The following RYR1 variants were observed in gnomAD, a reference collection of about 807,000 sequenced individuals.
The protein encoded by RYR1 is central core disease of muscle.
Under a neutral mutation model 583.5 loss-of-function variants are expected in RYR1, and 342 were observed. That is an observed-to-expected ratio of 0.59 (90% CI 0.54 to 0.64). The LOEUF is 0.64. Ranked by LOEUF, RYR1 falls within the 30% of genes least tolerant of loss-of-function variation. The probability of loss-of-function intolerance (pLI) is 0.00; values close to 1 mark genes in which losing one functional copy is unlikely to be tolerated. For synonymous variants in RYR1, 2,791 were observed against 2,822.5 expected (o/e 0.99, Z 0.35); for missense variants, 6,032 against 6,917.2 (o/e 0.87, Z 4.54).
chr19:38,504,151 G>T (rs1336713712), intron 49 of RYR1, 69 bp from the exon 50 acceptor site: 3 of 1,523,376 alleles, frequency 2.0e-6, no homozygotes, highest in Non-Finnish European at 2.7e-6. Context: ...GTGTCTCTCT[G>T]GGCCTTCGTC....
chr19:38,485,952 G>C lies in RYR1; in HGVS notation c.5297G>C (p.Gly1766Ala). The change falls in exon 34 of 106, where the codon GGA becomes GCA. Residue 1766 changes from glycine (G) to alanine (A), a missense_variant. Physicochemically the swap from Gly to Ala is moderately conservative, Grantham distance 60. Coordinates refer to ENST00000359596, the MANE Select transcript of RYR1 (RefSeq NM_000540.3). ...GHPRHGLPGV[G>A]VTTSLRPPHH... ...CCCCGGCATGGCCTGCCGGGAGTTG[G>C]AGTCACCACTTCGCTGAGGCCCCCG... is the stretch of plus-strand genomic sequence containing the variant. The C allele has an allele frequency of 6.2e-7, 1 of 1,613,692 alleles. No individual in the cohort carries two copies.
Position 38,585,116 on chromosome 19 carries a change from G to GGC in RYR1, c.14803+20_14803+21dup. On this transcript the variant is annotated intron_variant, in intron 102 of 105. Transcript: ENST00000359596. ...TCATCCAGGGTCAGTGCTGGGAGTG[G>GGC]GCGCTCAGGGCCCGGAGGCAGGCTA... 1.2e-6 allele frequency: 2 copies of GGC among 1,612,884 alleles called. No individual in the cohort carries two copies. The highest frequency in any genetic ancestry group is 1.7e-6 in the Non-Finnish European group (2 of 1,179,454).
In RYR1 at chr19:38,550,916, C is replaced by T. The variant is rs1972636073; in HGVS notation, c.12282+2496C>T. On this transcript the variant is annotated intron_variant, in intron 89 of 105. Transcript: ENST00000359596. ...GGTGGTTTTCTCATTTCGCCGTATG[C>T]TTTACCATCACTAGGCACCATTTTA... Among the ~76,000 whole-genome samples, 3 of 150,920 alleles carry T rather than the reference C, an allele frequency of 2.0e-5. No individual in the cohort carries two copies. The South Asian group carries it at 6.3e-4, about 32-fold the overall frequency.
intron 24 of RYR1, among the ~76,000 whole-genome samples, chr19:38,466,931 G>T (rs4802484): frequency 0.42 from 63,869 of 151,800 alleles, 14,139 homozygotes; most frequent in African/African-American, 0.56. Flanking sequence ...TTTACCTGAC[G>T]CCAGCCCTGC....
At chr19:38,585,369 G>GATATATAT (rs3039200) in intron 102 of RYR1, among the ~76,000 whole-genome samples, 66 of 141,062 alleles carry the variant, frequency 4.7e-4, no homozygotes, top group African/African-American at 1.6e-3. Flanking sequence ...AAAGGCCTGA[G>GATATATAT]ATATATATAT....
At chr19:38,453,115 T>C (rs1471585706) in intron 13 of RYR1, 101 bp downstream of exon 13, 5 of 1,168,850 alleles carry the variant, frequency 4.3e-6, no homozygotes, top group South Asian at 1.4e-5. Flanking sequence ...CTGAGGGACC[T>C]GGGGAAGTAG....
intron 65 of RYR1, among the ~76,000 whole-genome samples, chr19:38,516,533 G>C (rs1970980205): frequency 6.6e-6 from 1 of 152,212 alleles, no homozygotes; most frequent in Non-Finnish European, 1.5e-5. Context: ...GGGAGGCCAA[G>C]GTAGGAGGAT....
intron 30 of RYR1, among the ~76,000 whole-genome samples, chr19:38,478,211 A>T (rs181194425): frequency 6.7e-6 from 1 of 149,806 alleles, no homozygotes; most frequent in Non-Finnish European, 1.5e-5. Context: ...CTCCTTTCAG[A>T]CCCCCACCCC....
intron 1 of RYR1, among the ~76,000 whole-genome samples, chr19:38,435,717 G>A (rs1347038415): frequency 6.6e-6 from 1 of 152,054 alleles, no homozygotes; most frequent in Admixed American, 6.6e-5. Flanking sequence ...CAGCCTGGGC[G>A]ACAGGGCGAG....
At position 38,444,126 on chromosome 19, in the gene RYR1, C is replaced by A; in HGVS notation, c.425-23C>A. 1 of 1,592,668 alleles carries A rather than the reference C, an allele frequency of 6.3e-7. No individual in the cohort carries two copies. Among genetic ancestry groups the A allele is most frequent in the South Asian group, 1.1e-5 (1 of 90,670 alleles). On this transcript the variant is annotated intron_variant, in intron 5 of 105. Transcript: ENST00000359596. The surrounding 1 kb of genome is among the most constrained non-coding windows in gnomAD (Gnocchi z 5.1). ...TGGGAAGCCATCATCTGACAGCCACCCCCATTCCATCCCCACCCATAGGAG... is the reference window on the plus strand; with the variant it reads ...TGGGAAGCCATCATCTGACAGCCACACCCATTCCATCCCCACCCATAGGAG...
chr19:38,523,103 G>A lies in RYR1; in HGVS notation c.10335G>A (p.Trp3445Ter). ...FRMVGEIFIYWSKSHNFKREE... is the reference protein window; with the variant it reads ...FRMVGEIFIY ...TGGTGGGCGAGATCTTCATCTACTG[G>A]TCCAAGTCCCACGTGAGTGCCCACC... Residue 3445 changes from tryptophan (W) to a stop codon, truncating the protein, a stop_gained, in exon 68 of 106, where the codon TGG becomes TGA. Transcript: ENST00000359596. LOFTEE classifies it high-confidence loss of function. 6.2e-7 allele frequency: 1 copy of A among 1,613,292 alleles called. No homozygotes were observed. Among genetic ancestry groups the A allele is most frequent in the Non-Finnish European group, 8.5e-7 (1 of 1,179,908 alleles).
intron 89 of RYR1, among the ~76,000 whole-genome samples, chr19:38,549,368 G>A (rs952907736): frequency 1.3e-5 from 2 of 152,044 alleles, no homozygotes; most frequent in Admixed American, 1.3e-4. Context: ...GAGGTGGGAG[G>A]ATCGCTTGAG....
At chr19:38,523,703 C>T (rs1971328255) in intron 69 of RYR1, 2 of 643,570 alleles carry the variant, frequency 3.1e-6, no homozygotes, top group Admixed American at 2.5e-5. Context: ...TACCCCATTT[C>T]CTGCTTTCCT....
chr19:38,523,872 T>TGG, intron 69 of RYR1, 43 bp from the exon 70 acceptor site: 1 of 1,613,952 alleles, frequency 6.2e-7, no homozygotes, highest in Non-Finnish European at 8.5e-7. Context: ...TCTGCGGGGC[T>TGG]GGGGTAACCC....
chr19:38,535,952 A>T lies in RYR1; in HGVS notation c.11517-45A>T. On this transcript the variant is annotated intron_variant, in intron 81 of 105. Transcript: ENST00000359596. ...GCCAGGCCCTGGGAGAGAGGAGGGCAGAGGCTTCATCACATACCCCCTATC... is the reference window on the plus strand; with the variant it reads ...GCCAGGCCCTGGGAGAGAGGAGGGCTGAGGCTTCATCACATACCCCCTATC... 3 of 1,574,240 alleles carry T rather than the reference A, an allele frequency of 1.9e-6. No individual in the cohort carries two copies. In the Middle Eastern group the frequency reaches 5.0e-4, roughly 262 times the overall value.
intron 82 of RYR1, 149 bp downstream of exon 82, chr19:38,536,219 C>T (rs1971958655): frequency 2.9e-6 from 2 of 684,672 alleles, no homozygotes; most frequent in Non-Finnish European, 5.0e-6. Context: ...CTGCTGTGGT[C>T]CCCCAGTCCC....
chr19:38,572,466 G>A (rs1371746820), intron 95 of RYR1, among the ~76,000 whole-genome samples, 196 bp downstream of exon 95: 8 of 152,034 alleles, frequency 5.3e-5, no homozygotes, highest in Non-Finnish European at 1.2e-4. Context: ...CAGTAAGGAC[G>A]ACATTCAGAT....
chr19:38,586,650 A>G lies in RYR1; in HGVS notation c.15021+74A>G, dbSNP rs1240064739. ...AACATAAGGCCAGTCAGTAGGTGGC[A>G]GTAAAAAGCTCCTATCAATATCAAG... On this transcript the variant is annotated intron_variant, in intron 105 of 105. Transcript: ENST00000359596. The G allele has an allele frequency of 3.6e-6, 5 of 1,386,952 alleles. No individual in the cohort carries two copies. The East Asian group carries it at 1.1e-4, about 32-fold the overall frequency. The allele number at this position is 1,386,952 out of a possible 1,614,324, so 85.9% of individuals were successfully genotyped here.
chr19:38,499,835 C>T lies in RYR1; in HGVS notation c.7214+14C>T. The T allele has an allele frequency of 6.2e-7, 1 of 1,609,492 alleles. No individual in the cohort carries two copies. Among genetic ancestry groups the T allele is most frequent in the South Asian group, 1.1e-5 (1 of 90,916 alleles). ...GCGGCGCGAGCAGTGAGTCTCCCGG[C>T]CCCCTCCTCAATAGGGCAACCCGCC... On this transcript the variant is annotated intron_variant, in intron 44 of 105. Transcript: ENST00000359596. This position sits in a 1 kb window ranked among gnomAD's most constrained non-coding sequence, Gnocchi z 7.3.
Sources: allele counts gnomAD v4.1 joint callset (sites outside exome capture counted in the v4.1 genomes callset), GRCh38; gene constraint gnomAD v4.1.1; non-coding constraint Gnocchi (gnomAD v3.1); transcripts MANE v1.5; gene names NCBI Gene and HGNC (gene_info 2026-07-23, HGNC 2026-07-21).